The following CSDE1 variants were observed in gnomAD, a reference collection of about 807,000 sequenced individuals.
The protein encoded by CSDE1 is cold shock domain containing E1.
In CSDE1, 17 loss-of-function variants were observed where a neutral mutation model predicts 89.3. The ratio of observed to expected loss-of-function variants is 0.19; its 90% CI spans 0.13 to 0.29. CSDE1 has a LOEUF of 0.29. Among genes scored for constraint, CSDE1 ranks in the 10% least tolerant of loss-of-function variants. CSDE1 has a pLI of 1.00. For synonymous variants in CSDE1, 322 were observed against 332.8 expected, an observed-to-expected ratio of 0.97 and a Z score of 0.35; for missense variants, 672 against 984.2, an observed-to-expected ratio of 0.68 and a Z score of 4.24.
intron 5 of CSDE1, 133 bp downstream of exon 5, chr1:114,737,338 G>C: frequency 1.4e-6 from 1 of 711,810 alleles, no homozygotes; most frequent in Admixed American, 3.0e-5. Flanking sequence ...TGCTGCATTT[G>C]AAGCCTCTTA....
At chr1:114,735,121 C>T (rs1660328194) in intron 6 of CSDE1, among the ~76,000 whole-genome samples, 1 of 152,156 alleles carries the variant, frequency 6.6e-6, no homozygotes, top group Non-Finnish European at 1.5e-5. Context: ...ATATCCACCT[C>T]CATTGGAGAA....
intron 1 of CSDE1, among the ~76,000 whole-genome samples, chr1:114,755,208 G>A (rs893509171): frequency 3.3e-5 from 5 of 152,186 alleles, no homozygotes; most frequent in Non-Finnish European, 5.9e-5. Context: ...CGTGGCTGGC[G>A]GCTACCATGT....
chr1:114,728,444 G>T (rs1446071587), intron 12 of CSDE1, among the ~76,000 whole-genome samples: 1 of 152,128 alleles, frequency 6.6e-6, no homozygotes, highest in Non-Finnish European at 1.5e-5. Flanking sequence ...GTCCAGTGCA[G>T]CAGAGACAGA....
At chr1:114,737,735 G>C (rs1660482839) in intron 4 of CSDE1, among the ~76,000 whole-genome samples, 172 bp from the exon 5 acceptor site, 1 of 152,192 alleles carries the variant, frequency 6.6e-6, no homozygotes, top group African/African-American at 2.4e-5. Flanking sequence ...TAAATTGACT[G>C]TAAGCATTGA....
chr1:114,720,014 AGCT>A (rs1659425534), intron 17 of CSDE1, among the ~76,000 whole-genome samples: 1 of 152,210 alleles, frequency 6.6e-6, no homozygotes, highest in Non-Finnish European at 1.5e-5. Context: ...CTCATCAGGA[AGCT>A]GTTACTTCAA....
At chr1:114,755,188 A>G (rs1661523469) in intron 1 of CSDE1, among the ~76,000 whole-genome samples, 1 of 152,242 alleles carries the variant, frequency 6.6e-6, no homozygotes, top group African/African-American at 2.4e-5. Context: ...TCAAGTGCAC[A>G]ACAGCCACAC....
intron 1 of CSDE1, among the ~76,000 whole-genome samples, chr1:114,752,086 G>T (rs1661338904): frequency 6.6e-6 from 1 of 152,098 alleles, no homozygotes; most frequent in South Asian, 2.1e-4. Flanking sequence ...GCAACGTGGA[G>T]AAACCCCATC....
At chr1:114,723,736 TA>T in intron 16 of CSDE1, 146 bp downstream of exon 16, 1 of 1,113,042 alleles carries the variant, frequency 9.0e-7, no homozygotes, top group Non-Finnish European at 1.3e-6. Flanking sequence ...GGTATAAAAA[TA>T]AAAAGCAAGC....
At chr1:114,753,872 T>A (rs1391308669) in intron 1 of CSDE1, among the ~76,000 whole-genome samples, 3 of 152,140 alleles carry the variant, frequency 2.0e-5, no homozygotes, top group Admixed American at 2.0e-4. Flanking sequence ...GCTATGACTG[T>A]GCCACTGCAC....
intron 14 of CSDE1, 59 bp from the exon 15 acceptor site, chr1:114,725,392 G>C: frequency 7.7e-7 from 1 of 1,300,110 alleles, no homozygotes; most frequent in East Asian, 2.3e-5. Flanking sequence ...ACAGTAACAG[G>C]CAGTCTTTAT....
chr1:114,737,405 T>C (rs1479776879), intron 5 of CSDE1, 66 bp downstream of exon 5: 10 of 1,292,266 alleles, frequency 7.7e-6, no homozygotes, highest in Non-Finnish European at 1.1e-5. Flanking sequence ...TATTTTGAAT[T>C]TTAAAGTACG....
chr1:114,750,470 A>G (rs1180259037), intron 1 of CSDE1, among the ~76,000 whole-genome samples: 3 of 152,174 alleles, frequency 2.0e-5, no homozygotes. Context: ...GCTCAGTTAC[A>G]TGGCATAATG....
In CSDE1 at chr1:114,720,203, G is replaced by A. The variant is rs375860969; in HGVS notation, c.2052+336C>T. On this transcript the variant is annotated intron_variant, in intron 17 of 19. Coordinates refer to ENST00000358528, the MANE Select transcript of CSDE1 (RefSeq NM_001007553.3). ...GCTTATTTTTTAAGTACTTTTGAAC[G>A]TGGTTTCTGTGTTTGTGTGATATGC... The A allele has an allele frequency of 3.1e-5, 7 of 226,094 alleles. No homozygotes were observed. The East Asian group carries it at 4.2e-4, about 13-fold the overall frequency. The allele number at this position is 226,094 out of a possible 1,614,324, so 14.0% of individuals were successfully genotyped here.
intron 2 of CSDE1, chr1:114,741,642 G>A: frequency 1.9e-6 from 3 of 1,546,638 alleles, no homozygotes; most frequent in South Asian, 1.2e-5. Context: ...AGGATCTGAT[G>A]ACACAGTAAA....
intron 17 of CSDE1, 51 bp from the exon 18 acceptor site, chr1:114,719,793 G>T (rs1557987771): frequency 1.3e-6 from 2 of 1,539,806 alleles, no homozygotes; most frequent in Non-Finnish European, 8.8e-7. Context: ...ACCTCACTCT[G>T]AATGAAGCAC....
intron 2 of CSDE1, among the ~76,000 whole-genome samples, chr1:114,747,847 G>A (rs1474248175): frequency 6.6e-6 from 1 of 151,238 alleles, no homozygotes; most frequent in Non-Finnish European, 1.5e-5. Flanking sequence ...GACAGAGCAA[G>A]ACTCTGTCTC....
chr1:114,742,313 G>A (rs140005121), intron 2 of CSDE1, among the ~76,000 whole-genome samples: 2,100 of 152,222 alleles, frequency 0.014, 31 homozygotes, highest in South Asian at 0.018. Context: ...AAATGAGGCC[G>A]GATGCAGTGG....
At chr1:114,725,637 T>C (rs932779098) in intron 14 of CSDE1, among the ~76,000 whole-genome samples, 19 of 53,694 alleles carry the variant, frequency 3.5e-4, no homozygotes, top group African/African-American at 2.7e-3. Context: ...GAACCCTTAC[T>C]TTCTATTTTT....
intron 4 of CSDE1, among the ~76,000 whole-genome samples, 179 bp from the exon 5 acceptor site, chr1:114,737,742 T>A (rs1001868883): frequency 2.6e-5 from 4 of 152,214 alleles, no homozygotes; most frequent in African/African-American, 4.8e-5. Context: ...ACTGTAAGCA[T>A]TGACTCAGGG....
Sources: allele counts gnomAD v4.1 joint callset (sites outside exome capture counted in the v4.1 genomes callset), GRCh38; gene constraint gnomAD v4.1.1; transcripts MANE v1.5; gene names NCBI Gene and HGNC (gene_info 2026-07-23, HGNC 2026-07-21).